Variants in MEI1 observed in about 807,000 individuals in gnomAD.
MEI1 encodes the protein meiosis inhibitor protein 1.
A neutral mutation model predicts 146.2 loss-of-function variants in MEI1; 103 were observed. The observed-to-expected ratio is 0.70, with a 90% CI of 0.60 to 0.83. The LOEUF is 0.83. MEI1 is among the 40% of genes least tolerant of loss of function. The pLI, the probability that MEI1 is intolerant of heterozygous loss-of-function variation, is 0.00. For missense variants in MEI1, 1,529 were observed against 1,533.0 expected (o/e 1.00, Z 0.04); for synonymous variants, 652 against 628.2 (o/e 1.04, Z -0.57).
At chr22:41,791,736 G>A (rs1258251276) in intron 26 of MEI1, among the ~76,000 whole-genome samples, 1 of 152,146 alleles carries the variant, frequency 6.6e-6, no homozygotes, top group Non-Finnish European at 1.5e-5. Context: ...ATGAAAAAGT[G>A]GAAACAACCC....
At position 41,758,406 on chromosome 22, in the gene MEI1, C is replaced by T; in HGVS notation, c.1993C>T (p.Gln665Ter). 6.2e-7 allele frequency: 1 copy of T among 1,613,902 alleles called. No homozygotes were observed. Among genetic ancestry groups the T allele is most frequent in the Non-Finnish European group, 8.5e-7 (1 of 1,179,872 alleles). Residue 665 changes from glutamine to a stop codon, truncating the protein, a stop_gained, in exon 18 of 31, where the codon CAG becomes TAG. Coordinates refer to ENST00000401548, the MANE Select transcript of MEI1 (RefSeq NM_152513.4). LOFTEE classifies it high-confidence loss of function. ...VSELLQHGLP[Q>*]ISSRSPESLA... Reference sequence around the variant, plus strand: ...TGAGCTCCTGCAGCATGGGCTGCCCCAGATAAGCAGCAGGAGCCCTGAAAG... The same window carrying T: ...TGAGCTCCTGCAGCATGGGCTGCCCTAGATAAGCAGCAGGAGCCCTGAAAG...
chr22:41,707,915 T>C (rs1375552139), intron 3 of MEI1, among the ~76,000 whole-genome samples: 1 of 152,210 alleles, frequency 6.6e-6, no homozygotes, highest in Non-Finnish European at 1.5e-5. Context: ...AAGACAATAG[T>C]GTAATAACTG....
chr22:41,724,803 C>CT (rs74762751), intron 7 of MEI1, among the ~76,000 whole-genome samples: 2,767 of 138,986 alleles, frequency 0.02, 80 homozygotes, highest in African/African-American at 0.066. Context: ...TTTGTAAATT[C>CT]TTTTTTTTTT....
intron 17 of MEI1, 32 bp downstream of exon 17, chr22:41,754,078 C>A (rs376982045): frequency 6.7e-7 from 1 of 1,495,544 alleles, no homozygotes; most frequent in Non-Finnish European, 9.3e-7. Flanking sequence ...ACTCATGTGG[C>A]CTGTGCTGGT....
chr22:41,758,682 C>T (rs2074259725), intron 18 of MEI1, 149 bp downstream of exon 18: 1 of 787,096 alleles, frequency 1.3e-6, no homozygotes, highest in African/African-American at 1.7e-5. Context: ...CTGAGAGGCT[C>T]ATATCTTAGA....
intron 3 of MEI1, among the ~76,000 whole-genome samples, chr22:41,711,495 A>G (rs904935398): frequency 1.3e-5 from 2 of 152,152 alleles, no homozygotes; most frequent in Admixed American, 6.5e-5. Flanking sequence ...GCAGCCATCC[A>G]CTTCTGGTTG....
At chr22:41,784,274 GC>G in intron 24 of MEI1, 64 bp from the exon 25 acceptor site, 2 of 1,427,536 alleles carry the variant, frequency 1.4e-6, no homozygotes. Context: ...AGATTTTCAG[GC>G]AGGTTATTTT....
intron 21 of MEI1, among the ~76,000 whole-genome samples, chr22:41,777,919 C>T (rs973408295): frequency 2.0e-5 from 3 of 149,946 alleles, no homozygotes; most frequent in African/African-American, 7.4e-5. Context: ...CTTCTTCTTT[C>T]TTCTTCTTCT....
chr22:41,799,353 G>A lies in MEI1; in HGVS notation c.*54G>A. ...AGAGAGAATGAGACCTGGAGACAAA[G>A]GGCATAATTGTTGGGGAAATGGATG... On this transcript the variant is annotated 3_prime_UTR_variant, in exon 31 of 31. Coordinates refer to ENST00000401548, the MANE Select transcript of MEI1 (RefSeq NM_152513.4). 1.3e-6 allele frequency: 2 copies of A among 1,555,926 alleles called. No individual in the cohort carries two copies. The highest frequency in any genetic ancestry group is 2.2e-5 in the East Asian group (1 of 44,470).
chr22:41,788,123 T>A (rs2076055551), intron 26 of MEI1, among the ~76,000 whole-genome samples: 1 of 151,902 alleles, frequency 6.6e-6, no homozygotes, highest in Admixed American at 6.6e-5. Context: ...CTCTGCCTCC[T>A]GAGTTAAGTG....
chr22:41,794,283 C>A, intron 27 of MEI1, 88 bp from the exon 28 acceptor site: 1 of 1,130,372 alleles, frequency 8.8e-7, no homozygotes, highest in Middle Eastern at 2.2e-4. Context: ...ACTGGGTAGC[C>A]CCTTTTTAAG....
At chr22:41,797,110 G>A (rs571771976) in intron 30 of MEI1, among the ~76,000 whole-genome samples, 3 of 152,050 alleles carry the variant, frequency 2.0e-5, no homozygotes, top group East Asian at 2.0e-4. Context: ...GGATCCTCCC[G>A]CCTCAGCCCT....
intron 14 of MEI1, among the ~76,000 whole-genome samples, chr22:41,747,714 A>T (rs1414665205): frequency 1.3e-5 from 2 of 150,762 alleles, no homozygotes; most frequent in African/African-American, 4.9e-5. Context: ...AAAGAATAAA[A>T]AAAACCCCAC....
At chr22:41,755,949 T>G (rs974047596) in intron 17 of MEI1, among the ~76,000 whole-genome samples, 17 of 152,044 alleles carry the variant, frequency 1.1e-4, no homozygotes, top group African/African-American at 3.9e-4. Context: ...AGGTCCTGTC[T>G]TTCAATCTCT....
At chr22:41,790,918 G>A (rs895197192) in intron 26 of MEI1, among the ~76,000 whole-genome samples, 6 of 152,160 alleles carry the variant, frequency 3.9e-5, no homozygotes, top group African/African-American at 9.7e-5. Flanking sequence ...AAAATGCCCC[G>A]TGTGGGAAGT....
At chr22:41,724,278 G>C (rs755286028) in intron 7 of MEI1, among the ~76,000 whole-genome samples, 1 of 152,138 alleles carries the variant, frequency 6.6e-6, no homozygotes, top group Non-Finnish European at 1.5e-5. Flanking sequence ...CTTGAGCCCA[G>C]GAGTGCAAGA....
At chr22:41,797,589 G>A (rs2076407981) in intron 30 of MEI1, among the ~76,000 whole-genome samples, 1 of 152,132 alleles carries the variant, frequency 6.6e-6, no homozygotes, top group South Asian at 2.1e-4. Flanking sequence ...TCCAGCCAGG[G>A]CGACAGAGCA....
intron 14 of MEI1, among the ~76,000 whole-genome samples, chr22:41,746,457 T>C (rs1288617453): frequency 6.6e-6 from 1 of 152,188 alleles, no homozygotes; most frequent in Non-Finnish European, 1.5e-5. Flanking sequence ...CTTGTGTCTT[T>C]AATAATGAGC....
At chr22:41,758,267 G>A in intron 17 of MEI1, 98 bp from the exon 18 acceptor site, 1 of 1,181,868 alleles carries the variant, frequency 8.5e-7, no homozygotes, top group Non-Finnish European at 1.2e-6. Context: ...TACCCTTGCT[G>A]CCCTGTGCAG....
Sources: gnomAD v4.1 joint callset for allele counts (sites outside exome capture counted in the v4.1 genomes callset) on GRCh38, gnomAD v4.1.1 for gene constraint, MANE v1.5 for transcripts, NCBI Gene and HGNC (gene_info 2026-07-23, HGNC 2026-07-21) for gene names.